The following EPHA8 variants were observed in gnomAD, a reference collection of about 807,000 sequenced individuals.
The protein encoded by EPHA8 is ephrin type-A receptor 8.
Under a neutral mutation model 103.6 loss-of-function variants are expected in EPHA8, and 58 were observed. That is an observed-to-expected ratio of 0.56 (90% confidence interval 0.45 to 0.70). The LOEUF is 0.70. Ranked by LOEUF, EPHA8 falls within the 30% of genes least tolerant of loss-of-function variation. The pLI, the probability that EPHA8 is intolerant of heterozygous loss-of-function variation, is 0.00. For missense variants in EPHA8, 1,304 were observed against 1,395.2 expected (o/e 0.93, Z 1.04); for synonymous variants, 559 against 572.5 (o/e 0.98, Z 0.34).
chr1:22,572,259 G>T (rs564961469), intron 2 of EPHA8, among the ~76,000 whole-genome samples: 6 of 152,364 alleles, frequency 3.9e-5, no homozygotes, highest in Admixed American at 3.3e-4. Flanking sequence ...ATGAACGGGG[G>T]CTCCGCCTCC....
rs773334717 is a variant in EPHA8, at chr1:22,601,450, C to G, written c.2880C>G (p.Gly960=). ...HFAAGGYSSL[G]MVLRMNAQDV... is the part of the protein sequence containing the mutation. Reference sequence around the variant, plus strand: ...CTGCGGGCGGATACTCCTCTCTGGGCATGGTGCTACGCATGAACGCCCAGT... The same window carrying G: ...CTGCGGGCGGATACTCCTCTCTGGGGATGGTGCTACGCATGAACGCCCAGT... The change falls in exon 16 of 17, where the codon GGC becomes GGG. Residue 960 remains glycine (G), a synonymous_variant. Transcript: ENST00000166244. 3 of 1,610,152 alleles carry G rather than the reference C, an allele frequency of 1.9e-6. No homozygotes were observed. Among genetic ancestry groups the G allele is most frequent in the Non-Finnish European group, 2.5e-6 (3 of 1,179,782 alleles).
rs1187828348 is a variant in EPHA8, at chr1:22,601,626, G to A, written c.2904-1G>A. ...TGGCCAGCAGCACCCTTCCTTCACA[G>A]GGACGTGCGCGCCCTGGGCATCACC... On this transcript the variant is annotated splice_acceptor_variant, in intron 16 of 16. Coordinates refer to ENST00000166244, the MANE Select transcript of EPHA8 (RefSeq NM_020526.5). LOFTEE classifies it high-confidence loss of function. 1.3e-6 allele frequency: 2 copies of A among 1,590,236 alleles called. No individual in the cohort carries two copies. Among genetic ancestry groups the A allele is most frequent in the South Asian group, 1.1e-5 (1 of 88,110 alleles).
In EPHA8 at chr1:22,590,628, C is replaced by T. The variant is rs490369; in HGVS notation, c.1315+1422C>T. Among the ~76,000 whole-genome samples, 1,197 of 152,224 alleles carry T rather than the reference C, an allele frequency of 7.9e-3. 17 individuals are homozygous for T. The highest frequency in any genetic ancestry group is 0.027 in the African/African-American group (1,139 of 41,524). ...GGCCTGTCCCTCTCTGTCTTTGTAG[C>T]CCCACCTCCTTTAAATGGCCTCTAA... On this transcript the variant is annotated intron_variant, in intron 5 of 16. Coordinates refer to ENST00000166244, the MANE Select transcript of EPHA8 (RefSeq NM_020526.5).
chr1:22,576,665 A>T lies in EPHA8; in HGVS notation c.608A>T (p.Lys203Met). The T allele has an allele frequency of 5.0e-6, 8 of 1,613,830 alleles. No individual in the cohort carries two copies. The highest frequency in any genetic ancestry group is 6.8e-6 in the Non-Finnish European group (8 of 1,180,024). The part of the protein sequence containing the change: ...AILSLRIYYK[K>M]CPAMVRNLAA... ...CTCTCTCTCCGCATCTACTATAAGA[A>T]GTGCCCTGCCATGGTGCGCAATCTG... is the stretch of plus-strand genomic sequence containing the variant. The change falls in exon 3 of 17, where the codon AAG becomes ATG. Residue 203 changes from lysine to methionine, a missense_variant. Transcript: ENST00000166244. The surrounding 1 kb of genome is among the most constrained non-coding windows in gnomAD (Gnocchi z 4.8).
chr1:22,587,437 C>G (rs1403186335), intron 4 of EPHA8, among the ~76,000 whole-genome samples: 2 of 152,126 alleles, frequency 1.3e-5, no homozygotes, highest in Non-Finnish European at 1.5e-5. Context: ...GTGCATGTGC[C>G]TGGAGAGGGT....
chr1:22,579,743 G>T (rs1479813062), intron 3 of EPHA8, among the ~76,000 whole-genome samples: 3 of 152,194 alleles, frequency 2.0e-5, no homozygotes, highest in Non-Finnish European at 4.4e-5. Context: ...GTGAAAGGGA[G>T]GAGGATGTTT....
Position 22,576,376 on chromosome 1 carries a change from G to A in EPHA8, c.319G>A (p.Asp107Asn), listed in dbSNP as rs774769663. 7 of 1,613,790 alleles carry A rather than the reference G, an allele frequency of 4.3e-6. No homozygotes were observed. Among genetic ancestry groups the A allele is most frequent in the East Asian group, 2.2e-5 (1 of 44,866 alleles). Residue 107 changes from aspartate to asparagine, a missense_variant, in exon 3 of 17, where the codon GAC becomes AAC. Physicochemically the swap from Asp to Asn is conservative, Grantham distance 23 (BLOSUM62 1). Coordinates refer to ENST00000166244, the MANE Select transcript of EPHA8 (RefSeq NM_020526.5). This position sits in a 1 kb window ranked among gnomAD's most constrained non-coding sequence, Gnocchi z 4.8. ...VYAEIKFTLR[D>N]CNSMPGVLGT... ...TGCTGAGATCAAGTTTACCCTGCGC[G>A]ACTGCAACAGCATGCCTGGTGTGCT...
At chr1:22,578,425 C>G (rs562430357) in intron 3 of EPHA8, among the ~76,000 whole-genome samples, 3 of 86,450 alleles carry the variant, frequency 3.5e-5, no homozygotes, top group Non-Finnish European at 7.1e-5. Context: ...TGCATGTGTA[C>G]GTATGTGTAC....
chr1:22,602,759 C>T lies in EPHA8; in HGVS notation c.*1018C>T, dbSNP rs1031699075. 5 of 152,470 alleles carry T rather than the reference C, an allele frequency of 3.3e-5. No homozygotes were observed. Among genetic ancestry groups the T allele is most frequent in the Admixed American group, 6.5e-5 (1 of 15,290 alleles). 9.4% of individuals were successfully genotyped at this position (152,470 alleles called of 1,614,324 possible). On this transcript the variant is annotated 3_prime_UTR_variant, in exon 17 of 17. Transcript: ENST00000166244. ...CTATCTTCTCAGCACCCAGCCCACC[C>T]CTTCCTGTAGCATATGGGGAGACTA...
Position 22,576,120 on chromosome 1 carries a change from T to C in EPHA8, c.160-97T>C. ...CCAGGAGGCCAGCTCCTTTGTCTTT[T>C]TTTTTGCCAGCGTCCCCAGCACAGA... On this transcript the variant is annotated intron_variant, in intron 2 of 16. Coordinates refer to ENST00000166244, the MANE Select transcript of EPHA8 (RefSeq NM_020526.5). This position sits in a 1 kb window ranked among gnomAD's most constrained non-coding sequence, Gnocchi z 4.8. 7.0e-7 allele frequency: 1 copy of C among 1,424,634 alleles called. No homozygotes were observed. Among genetic ancestry groups the C allele is most frequent in the Non-Finnish European group, 9.5e-7 (1 of 1,054,448 alleles). The allele number at this position is 1,424,634 out of a possible 1,614,324, so 88.2% of individuals were successfully genotyped here. A position where few individuals can be genotyped will look rare whatever the true frequency, so the allele number is the denominator to read the frequency against.
chr1:22,591,215 C>A (rs1005617469), intron 5 of EPHA8, among the ~76,000 whole-genome samples: 1 of 151,942 alleles, frequency 6.6e-6, no homozygotes, highest in African/African-American at 2.4e-5. Flanking sequence ...CATGGCAAGA[C>A]CCCATCTCTA....
At chr1:22,588,785 C>T in intron 4 of EPHA8, 86 bp from the exon 5 acceptor site, 2 of 1,501,732 alleles carry the variant, frequency 1.3e-6, no homozygotes, top group Middle Eastern at 1.8e-4. Flanking sequence ...GGAGCCCTTC[C>T]CTTGGGGAGC....
chr1:22,578,775 ACGTGTGGGCATATGTATGTGTG>A (rs1640910228), intron 3 of EPHA8, among the ~76,000 whole-genome samples: 1 of 145,818 alleles, frequency 6.9e-6, no homozygotes, highest in African/African-American at 2.6e-5. Context: ...ATGTATGTGT[ACGTGTGGGCATATGTATGTGTG>A]CGTGTGTGCA....
chr1:22,577,842 GTA>G lies in EPHA8; in HGVS notation c.823+964_823+965del, dbSNP rs1234796596. Among the ~76,000 whole-genome samples the G allele has an allele frequency of 2.4e-3, 300 of 124,554 alleles. 3 individuals carry two copies. The highest frequency in any genetic ancestry group is 7.2e-3 in the African/African-American group (188 of 26,102). 81.7% of individuals were successfully genotyped at this position (124,554 alleles called of 152,430 possible). A position where few individuals can be genotyped will look rare whatever the true frequency, so the allele number is the denominator to read the frequency against. On this transcript the variant is annotated intron_variant, in intron 3 of 16. Coordinates refer to ENST00000166244, the MANE Select transcript of EPHA8 (RefSeq NM_020526.5). Reference sequence around the variant, plus strand: ...TGTGTGCATGTGTGCGTGTGTGCATGTATGTGTGCATGCGTATGTATGCATTG... The same window carrying G: ...TGTGTGCATGTGTGCGTGTGTGCATGTGTGTGCATGCGTATGTATGCATTG...
Position 22,601,732 on chromosome 1 carries a change from G to A in EPHA8, c.3009G>A (p.Arg1003=), listed in dbSNP as rs1641742338. 2 of 1,559,530 alleles carry A rather than the reference G, an allele frequency of 1.3e-6. No individual in the cohort carries two copies. Among genetic ancestry groups the A allele is most frequent in the Admixed American group, 1.9e-5 (1 of 53,312 alleles). ...AQLTSTQGPR[R]HL ...TGACCAGCACCCAGGGGCCCCGCCG[G>A]CACCTCTGATGTACAGCCAGCAGGG... is the stretch of plus-strand genomic sequence containing the variant. Residue 1003 remains arginine, a synonymous_variant, in exon 17 of 17, where the codon CGG becomes CGA. Coordinates refer to ENST00000166244, the MANE Select transcript of EPHA8 (RefSeq NM_020526.5).
intron 8 of EPHA8, 48 bp from the exon 9 acceptor site, chr1:22,596,058 G>C: frequency 1.3e-6 from 2 of 1,594,522 alleles, no homozygotes; most frequent in Non-Finnish European, 1.7e-6. Flanking sequence ...GTCAGGTCCC[G>C]GGCTAGGGGT....
rs753322537 is a variant in EPHA8 at position 22,576,328 on chromosome 1, C to G, written c.271C>G (p.Arg91Gly). Residue 91 changes from arginine to glycine, a missense_variant, in exon 3 of 17, where the codon CGA (arginine) becomes GGA (glycine). Coordinates refer to ENST00000166244, the MANE Select transcript of EPHA8 (RefSeq NM_020526.5). This position sits in a 1 kb window ranked among gnomAD's most constrained non-coding sequence, Gnocchi z 4.8. ...CTGGCTGCGCACGAGCTGGGTCCCC[C>G]GAGACGGCGCCCGGCGCGTCTATGC... is the stretch of plus-strand genomic sequence containing the variant. ...NNWLRTSWVP[R>G]DGARRVYAEI... 11 of 1,613,832 alleles carry G rather than the reference C, an allele frequency of 6.8e-6. No homozygotes were observed. The highest frequency in any genetic ancestry group is 9.3e-6 in the Non-Finnish European group (11 of 1,180,020).
At chr1:22,596,846 C>T (rs1327646501) in intron 9 of EPHA8, among the ~76,000 whole-genome samples, 3 of 151,792 alleles carry the variant, frequency 2.0e-5, no homozygotes, top group African/African-American at 4.8e-5. Flanking sequence ...TTTAGTAGAA[C>T]GAGGTTTCAC....
chr1:22,571,584 C>T lies in EPHA8; in HGVS notation c.159+2231C>T, dbSNP rs116031858. 7.8e-3 allele frequency among the ~76,000 whole-genome samples: 1,187 copies of T among 152,240 alleles called. 11 individuals are homozygous for T. The highest frequency in any genetic ancestry group is 0.027 in the African/African-American group (1,119 of 41,558). ...TCTCTGCTGAGGCAGGGACCACCTG[C>T]CATCTTCAGGGGGCCTGGAGACTGG... On this transcript the variant is annotated intron_variant, in intron 2 of 16. Coordinates refer to ENST00000166244, the MANE Select transcript of EPHA8 (RefSeq NM_020526.5).
Sources: gnomAD v4.1 joint callset for allele counts (sites outside exome capture counted in the v4.1 genomes callset) on GRCh38, gnomAD v4.1.1 for gene constraint, Gnocchi (gnomAD v3.1) non-coding constraint, MANE v1.5 for transcripts, NCBI Gene and HGNC (gene_info 2026-07-23, HGNC 2026-07-21) for gene names.